CNTN4: variants seen among roughly 807,000 people sequenced by gnomAD.
CNTN4 encodes the protein contactin-4.
CNTN4 carries 77 observed loss-of-function variants against 122.5 expected under a neutral mutation model. That is an observed-to-expected ratio of 0.63 (90% CI 0.52 to 0.76). CNTN4 has a LOEUF of 0.76. Ranked by LOEUF, CNTN4 falls within the 30% of genes least tolerant of loss-of-function variation. CNTN4 has a pLI of 0.00. For missense variants in CNTN4, 1,256 were observed against 1,259.1 expected, an observed-to-expected ratio of 1.00 and a Z score of 0.04; for synonymous variants, 512 against 447.0, an observed-to-expected ratio of 1.15 and a Z score of -1.83.
intron 2 of CNTN4, among the ~76,000 whole-genome samples, chr3:2,103,722 ATCTAT>A (rs963000235): frequency 1.8e-5 from 1 of 54,868 alleles, no homozygotes. Context: ...TTTTTTATTT[ATCTAT>A]TTATTTATCT....
intron 3 of CNTN4, among the ~76,000 whole-genome samples, chr3:2,570,513 A>G (rs1331497665): frequency 6.6e-6 from 1 of 152,138 alleles, no homozygotes; most frequent in Non-Finnish European, 1.5e-5. Flanking sequence ...AATACTTAAA[A>G]CTTAGGAGAT....
chr3:2,179,004 T>C (rs992988899), intron 2 of CNTN4, among the ~76,000 whole-genome samples: 1 of 152,058 alleles, frequency 6.6e-6, no homozygotes, highest in Non-Finnish European at 1.5e-5. Context: ...GACATTTCTG[T>C]TTAATGAATG....
chr3:2,368,590 A>C (rs1253684176), intron 3 of CNTN4, among the ~76,000 whole-genome samples: 1 of 152,196 alleles, frequency 6.6e-6, no homozygotes, highest in Non-Finnish European at 1.5e-5. Flanking sequence ...CTATTCTCTC[A>C]GATCTGTGAA....
chr3:2,388,648 C>A (rs2046331711), intron 3 of CNTN4, among the ~76,000 whole-genome samples: 1 of 151,966 alleles, frequency 6.6e-6, no homozygotes, highest in South Asian at 2.1e-4. Flanking sequence ...AGTTTAAGAC[C>A]AACCGGGCCA....
At position 2,709,953 on chromosome 3, in the gene CNTN4, A is replaced by G. The variant is rs2728035; in HGVS notation, c.56-26262A>G. On this transcript the variant is annotated intron_variant, in intron 4 of 24. Coordinates refer to ENST00000418658, the MANE Select transcript of CNTN4 (RefSeq NM_175607.3). The surrounding 1 kb of genome is among the most constrained non-coding windows in gnomAD (Gnocchi z 5.0). ...AATAAACTCCAAAGAGCATGTTTCC[A>G]CACTTAATGCTTATTGCTGAAACCC... is the stretch of plus-strand genomic sequence containing the variant. Among the ~76,000 whole-genome samples, 222 of 152,064 alleles carry G rather than the reference A, an allele frequency of 1.5e-3. No homozygotes were observed. The highest frequency in any genetic ancestry group is 5.1e-3 in the African/African-American group (210 of 41,498).
At chr3:2,413,302 A>G (rs2047294721) in intron 3 of CNTN4, among the ~76,000 whole-genome samples, 1 of 152,236 alleles carries the variant, frequency 6.6e-6, no homozygotes, top group Admixed American at 6.5e-5. Context: ...TTCTTGATCA[A>G]ATCATTCTCA....
At chr3:2,578,950 T>G (rs1411332406) in intron 4 of CNTN4, among the ~76,000 whole-genome samples, 1 of 152,166 alleles carries the variant, frequency 6.6e-6, no homozygotes, top group Non-Finnish European at 1.5e-5. Flanking sequence ...TCAACATAAA[T>G]TTAAGTATTT....
chr3:2,565,167 G>A (rs1228968362), intron 3 of CNTN4, among the ~76,000 whole-genome samples: 1 of 152,044 alleles, frequency 6.6e-6, no homozygotes, highest in African/African-American at 2.4e-5. Flanking sequence ...TCCTATACAT[G>A]TCTGCCTCTT....
At chr3:2,273,861 G>A (rs1018490338) in intron 2 of CNTN4, among the ~76,000 whole-genome samples, 5 of 152,086 alleles carry the variant, frequency 3.3e-5, no homozygotes, top group African/African-American at 4.8e-5. Context: ...CTATCTTAAT[G>A]TATCTTTTTT....
chr3:2,262,910 A>T (rs1424121263), intron 2 of CNTN4, among the ~76,000 whole-genome samples: 1 of 152,124 alleles, frequency 6.6e-6, no homozygotes, highest in East Asian at 1.9e-4. Context: ...TGTCCTCATG[A>T]TTGCAGATGG....
At chr3:2,814,014 T>C (rs1054677710) in intron 6 of CNTN4, among the ~76,000 whole-genome samples, 4 of 152,246 alleles carry the variant, frequency 2.6e-5, no homozygotes, top group Admixed American at 2.0e-4. Context: ...TACTATAGCA[T>C]GTTTTCTAAT....
At chr3:2,415,615 C>A (rs2047383382) in intron 3 of CNTN4, among the ~76,000 whole-genome samples, 1 of 152,142 alleles carries the variant, frequency 6.6e-6, no homozygotes, top group Non-Finnish European at 1.5e-5. Flanking sequence ...GCTTGGTATA[C>A]ATTTCTGTGG....
In CNTN4 at chr3:2,762,937, CT is replaced by C. The variant is rs529635016; in HGVS notation, c.358+17263del. Reference sequence around the variant, plus strand: ...TTTTCTAATGATCAGTGATGTCAAGCTTTTTTTTTTTTTTTTTTTTTTTAGA... The same window carrying C: ...TTTTCTAATGATCAGTGATGTCAAGCTTTTTTTTTTTTTTTTTTTTTTAGA... On this transcript the variant is annotated intron_variant, in intron 6 of 24. Transcript: ENST00000418658. Among the ~76,000 whole-genome samples, 133 of 96,470 alleles carry C rather than the reference CT, an allele frequency of 1.4e-3. 1 individual carries two copies. Among genetic ancestry groups the C allele is most frequent in the Middle Eastern group, 7.2e-3 (1 of 138 alleles). The allele number at this position is 96,470 out of a possible 152,430, so 63.3% of individuals were successfully genotyped here.
chr3:2,674,190 C>T lies in CNTN4; in HGVS notation c.56-62025C>T, dbSNP rs1054973951. On this transcript the variant is annotated intron_variant, in intron 4 of 24. Transcript: ENST00000418658. ...GTACTTACCGCATACAATCCATATG[C>T]CTCATAATAAAAGTAGCCTTTTTAA... Among the ~76,000 whole-genome samples the T allele has an allele frequency of 3.9e-5, 6 of 152,148 alleles. No homozygotes were observed. In the East Asian group the frequency reaches 1.2e-3, roughly 29 times the overall value.
intron 3 of CNTN4, among the ~76,000 whole-genome samples, chr3:2,459,617 T>C (rs2049128676): frequency 6.6e-6 from 1 of 152,114 alleles, no homozygotes; most frequent in African/African-American, 2.4e-5. Flanking sequence ...AGATATACTT[T>C]GTGATGCTGG....
chr3:2,560,800 T>G (rs1207789987), intron 3 of CNTN4, among the ~76,000 whole-genome samples: 1 of 152,252 alleles, frequency 6.6e-6, no homozygotes, highest in Non-Finnish European at 1.5e-5. Context: ...CCTGTCTTAT[T>G]CATTGCTGTA....
At chr3:2,974,009 C>A (rs1693189955) in intron 13 of CNTN4, among the ~76,000 whole-genome samples, 1 of 152,152 alleles carries the variant, frequency 6.6e-6, no homozygotes, top group Non-Finnish European at 1.5e-5. Flanking sequence ...CATTAAAAAG[C>A]ACTGAGCAAC....
At chr3:2,925,371 T>C (rs1165109429) in intron 12 of CNTN4, among the ~76,000 whole-genome samples, 1 of 151,916 alleles carries the variant, frequency 6.6e-6, no homozygotes, top group Non-Finnish European at 1.5e-5. Context: ...CTGGCCAACA[T>C]GGTGAAACGC....
At chr3:2,544,349 C>T (rs1048892589) in intron 3 of CNTN4, among the ~76,000 whole-genome samples, 7 of 152,006 alleles carry the variant, frequency 4.6e-5, no homozygotes, top group African/African-American at 1.7e-4. Context: ...ATCCAAGAAT[C>T]CAAGTATATT....
Sources: allele counts gnomAD v4.1 joint callset (sites outside exome capture counted in the v4.1 genomes callset), GRCh38; gene constraint gnomAD v4.1.1; non-coding constraint Gnocchi (gnomAD v3.1); transcripts MANE v1.5; gene names NCBI Gene and HGNC (gene_info 2026-07-23, HGNC 2026-07-21).